ACSL1: variants seen among roughly 807,000 people sequenced by gnomAD.
The protein encoded by ACSL1 is long-chain-fatty-acid--CoA ligase 1.
ACSL1 carries 41 observed loss-of-function variants against 98.4 expected under a neutral mutation model. The ratio of observed to expected loss-of-function variants is 0.42; its 90% confidence interval spans 0.32 to 0.54. The LOEUF (loss-of-function observed/expected upper bound fraction) is 0.54, where lower values mean the gene tolerates loss of function less well. ACSL1 is among the 20% of genes least tolerant of loss of function. ACSL1 has a pLI of 0.13. For missense variants in ACSL1, 734 were observed against 883.1 expected, an observed-to-expected ratio of 0.83 and a Z score of 2.14; for synonymous variants, 316 against 322.7, an observed-to-expected ratio of 0.98 and a Z score of 0.22.
At chr4:184,791,959 C>T (rs920894562) in intron 2 of ACSL1, among the ~76,000 whole-genome samples, 5 of 152,176 alleles carry the variant, frequency 3.3e-5, no homozygotes, top group African/African-American at 1.2e-4. Flanking sequence ...AGGTCAACCA[C>T]CTTGGTCAAT....
At position 184,825,785 on chromosome 4, in the gene ACSL1, G is replaced by T. The variant is rs1222682370; in HGVS notation, c.-33+131C>A. On this transcript the variant is annotated intron_variant, in intron 1 of 20. Coordinates refer to ENST00000281455, the MANE Select transcript of ACSL1 (RefSeq NM_001995.5). The surrounding 1 kb of genome is among the most constrained non-coding windows in gnomAD (Gnocchi z 4.7). ...GGCGGCGCGGCCCCACGAGCCTGGG[G>T]TGGCTCACGCGCCTCCGCGGCGGCC... 6.7e-6 allele frequency: 1 copy of T among 149,580 alleles called. No homozygotes were observed. Among genetic ancestry groups the T allele is most frequent in the African/African-American group, 2.4e-5 (1 of 41,156 alleles). The allele number at this position is 149,580 out of a possible 1,614,324, so 9.3% of individuals were successfully genotyped here. A position where few individuals can be genotyped will look rare whatever the true frequency, so the allele number is the denominator to read the frequency against.
chr4:184,765,733 C>G (rs545348868), intron 14 of ACSL1, among the ~76,000 whole-genome samples, 158 bp downstream of exon 14: 86 of 152,278 alleles, frequency 5.6e-4, no homozygotes, highest in Admixed American at 9.8e-4. Flanking sequence ...TTACATATTA[C>G]ATACATCAAA....
chr4:184,760,094 C>A (rs926768978), intron 18 of ACSL1, among the ~76,000 whole-genome samples: 27 of 152,156 alleles, frequency 1.8e-4, no homozygotes, highest in Admixed American at 4.6e-4. Flanking sequence ...ATGCCCCTGT[C>A]CCCCAGTATG....
At chr4:184,765,078 CCA>C (rs1763385262) in intron 14 of ACSL1, among the ~76,000 whole-genome samples, 153 bp from the exon 15 acceptor site, 1 of 152,172 alleles carries the variant, frequency 6.6e-6, no homozygotes. Flanking sequence ...ATTCAATGGT[CCA>C]GTGTGCTTTA....
At chr4:184,821,271 T>C in intron 1 of ACSL1, 1 of 357,008 alleles carries the variant, frequency 2.8e-6, no homozygotes. Flanking sequence ...CACTTTCTCA[T>C]GACTCTGCTT....
intron 2 of ACSL1, among the ~76,000 whole-genome samples, chr4:184,791,502 C>G (rs1042770868): frequency 6.6e-6 from 1 of 152,216 alleles, no homozygotes; most frequent in Non-Finnish European, 1.5e-5. Context: ...ATCCGAAACT[C>G]TGGGGATGCG....
In ACSL1 at chr4:184,757,367, T is replaced by C; in HGVS notation, c.1957-102A>G. The C allele has an allele frequency of 2.1e-6, 3 of 1,405,736 alleles. No individual in the cohort carries two copies. Among genetic ancestry groups the C allele is most frequent in the Non-Finnish European group, 2.9e-6 (3 of 1,047,254 alleles). 87.1% of individuals were successfully genotyped at this position (1,405,736 alleles called of 1,614,324 possible). A position where few individuals can be genotyped will look rare whatever the true frequency, so the allele number is the denominator to read the frequency against. On this transcript the variant is annotated intron_variant, in intron 20 of 20. Transcript: ENST00000281455. This position sits in a 1 kb window ranked among gnomAD's most constrained non-coding sequence, Gnocchi z 4.5. ...GGATCAACACTCTCCAGCCATCCAA[T>C]CCATCCTCTCATTTCAGCCAAGCTG... is the stretch of plus-strand genomic sequence containing the variant.
chr4:184,826,411 C>G (rs1316535869), upstream of ACSL1: 4 of 152,490 alleles, frequency 2.6e-5, no homozygotes, highest in East Asian at 7.7e-4. Flanking sequence ...CCTGGCAGGC[C>G]GGGCAGAATT....
chr4:184,802,387 T>A (rs1770678045), intron 2 of ACSL1, among the ~76,000 whole-genome samples: 1 of 152,032 alleles, frequency 6.6e-6, no homozygotes, highest in Admixed American at 6.6e-5. Context: ...AGGCCTTCCA[T>A]CTCTTACATC....
Position 184,757,142 on chromosome 4 carries a change from A to T in ACSL1, c.2080T>A (p.Ser694Thr), listed in dbSNP as rs1762208661. 3 of 1,600,922 alleles carry T rather than the reference A, an allele frequency of 1.9e-6. No homozygotes were observed. The highest frequency in any genetic ancestry group is 2.6e-6 in the Non-Finnish European group (3 of 1,168,978). ...TCTTCACACTAAACCTTGATAGTGG[A>T]ATAGAGGTCATCTATCTGCGACCTG... is the stretch of plus-strand genomic sequence containing the variant. ...YFRSQIDDLY[S>T]TIKV Residue 694 changes from serine (S) to threonine (T), a missense_variant, in exon 21 of 21, where the codon TCC becomes ACC. Coordinates refer to ENST00000281455, the MANE Select transcript of ACSL1 (RefSeq NM_001995.5). The surrounding 1 kb of genome is among the most constrained non-coding windows in gnomAD (Gnocchi z 4.5).
At chr4:184,796,650 C>T (rs545969498) in intron 2 of ACSL1, among the ~76,000 whole-genome samples, 4 of 152,292 alleles carry the variant, frequency 2.6e-5, no homozygotes, top group African/African-American at 9.6e-5. Context: ...CTAAAAACAT[C>T]CCAGATTTCC....
intron 3 of ACSL1, among the ~76,000 whole-genome samples, chr4:184,785,937 C>T (rs1473273511): frequency 2.6e-5 from 4 of 152,134 alleles, no homozygotes; most frequent in African/African-American, 9.7e-5. Flanking sequence ...GGGTTCCTCC[C>T]ACATCCCAAA....
chr4:184,786,110 G>C (rs1344040708), intron 3 of ACSL1, among the ~76,000 whole-genome samples: 1 of 152,110 alleles, frequency 6.6e-6, no homozygotes, highest in East Asian at 1.9e-4. Flanking sequence ...TGCCCAGATG[G>C]GCTCCAGCCG....
At chr4:184,800,579 T>C (rs11732302) in intron 2 of ACSL1, among the ~76,000 whole-genome samples, 18,143 of 152,220 alleles carry the variant, frequency 0.12, 2,375 homozygotes, top group African/African-American at 0.31. Context: ...AATCTGCTTC[T>C]ATCCATTGCT....
At position 184,803,344 on chromosome 4, in the gene ACSL1, G is replaced by A. The variant is rs1404679728; in HGVS notation, c.171C>T (p.Leu57=). The A allele has an allele frequency of 6.2e-7, 1 of 1,606,372 alleles. No homozygotes were observed. The highest frequency in any genetic ancestry group is 8.5e-7 in the Non-Finnish European group (1 of 1,176,172). ...CCGCCACTTCCACTGACTGCATGGA[G>A]AGGTCGCATGGCGGCTTCAGGGGTT... ...RPKPLKPPCD[L]SMQSVEVAGS... The change falls in exon 2 of 21, where the codon CTC becomes CTT. Residue 57 remains leucine (L), a synonymous_variant. Coordinates refer to ENST00000281455, the MANE Select transcript of ACSL1 (RefSeq NM_001995.5). This position sits in a 1 kb window ranked among gnomAD's most constrained non-coding sequence, Gnocchi z 4.8.
intron 11 of ACSL1, 34 bp downstream of exon 11, chr4:184,770,365 C>A (rs1365392345): frequency 6.2e-7 from 1 of 1,609,586 alleles, no homozygotes. Flanking sequence ...AGAACATACA[C>A]AAACAAGCAA....
intron 3 of ACSL1, among the ~76,000 whole-genome samples, chr4:184,787,591 T>C (rs1367861533): frequency 2.0e-5 from 3 of 152,226 alleles, no homozygotes; most frequent in South Asian, 2.1e-4. Flanking sequence ...TGGCCGGGCA[T>C]GGTGACTCGC....
intron 7 of ACSL1, among the ~76,000 whole-genome samples, chr4:184,775,551 C>G (rs10024294): frequency 1.3e-5 from 2 of 152,080 alleles, no homozygotes; most frequent in Admixed American, 6.5e-5. Flanking sequence ...TCAGCACTTG[C>G]GGAATCACGT....
chr4:184,811,292 T>C (rs918002413), intron 1 of ACSL1, among the ~76,000 whole-genome samples: 5 of 151,950 alleles, frequency 3.3e-5, no homozygotes, highest in Admixed American at 3.3e-4. Flanking sequence ...TTTTGTATTT[T>C]TAGTAGAGAC....
Sources: allele counts gnomAD v4.1 joint callset (sites outside exome capture counted in the v4.1 genomes callset), GRCh38; gene constraint gnomAD v4.1.1; non-coding constraint Gnocchi (gnomAD v3.1); transcripts MANE v1.5; gene names NCBI Gene and HGNC (gene_info 2026-07-23, HGNC 2026-07-21).